DCPH1: variants seen among roughly 807,000 people sequenced by gnomAD.
The protein encoded by DCPH1 is damage control phosphatase 1.
chr6:151,461,658 C>T, the DCPH1 span, among the ~76,000 whole-genome samples: 3 of 152,140 alleles, frequency 2.0e-5, no homozygotes, highest in East Asian at 1.9e-4. Context: ...GCGACAAGAG[C>T]GAAACTCCGT....
At chr6:151,464,135 C>T in the DCPH1 span, among the ~76,000 whole-genome samples, 1 of 152,176 alleles carries the variant, frequency 6.6e-6, no homozygotes, top group Non-Finnish European at 1.5e-5. Context: ...AAGCAGTTGT[C>T]TTGAAATTTA....
the DCPH1 span, among the ~76,000 whole-genome samples, chr6:151,453,470 G>C: frequency 6.6e-6 from 1 of 152,152 alleles, no homozygotes; most frequent in African/African-American, 2.4e-5. Context: ...TTTTATTAAT[G>C]ATTTTTAAAA....
chr6:151,454,526 A>C, the DCPH1 span: 1 of 1,129,980 alleles, frequency 8.8e-7, no homozygotes, highest in East Asian at 2.4e-5. Context: ...TAAGTTATAT[A>C]TTGCATGTGA....
the DCPH1 span, among the ~76,000 whole-genome samples, chr6:151,453,233 TAG>T: frequency 6.6e-6 from 1 of 152,234 alleles, no homozygotes; most frequent in Admixed American, 6.5e-5. Flanking sequence ...CATGCAAGTA[TAG>T]AGAGTATCTC....
At chr6:151,465,517 G>A in the DCPH1 span, among the ~76,000 whole-genome samples, 765 of 152,244 alleles carry the variant, frequency 5.0e-3, 4 homozygotes, top group Middle Eastern at 0.027. Context: ...GAGAAAAATT[G>A]CAAGGAAACC....
the DCPH1 span, among the ~76,000 whole-genome samples, chr6:151,467,199 C>G: frequency 6.7e-6 from 1 of 150,042 alleles, no homozygotes; most frequent in Non-Finnish European, 1.5e-5. Flanking sequence ...TGCAGTGAGC[C>G]AAGATCGCAC....
the DCPH1 span, among the ~76,000 whole-genome samples, chr6:151,457,135 C>G: frequency 3.9e-5 from 6 of 152,318 alleles, no homozygotes; most frequent in Admixed American, 3.9e-4. Context: ...CCAGGCTTAT[C>G]TCCGAAGGAG....
chr6:151,458,369 T>A, the DCPH1 span: 1 of 1,613,532 alleles, frequency 6.2e-7, no homozygotes. Flanking sequence ...CTCTCCTTTC[T>A]AAATTACGGA....
the DCPH1 span, among the ~76,000 whole-genome samples, chr6:151,462,477 G>A: frequency 6.6e-6 from 1 of 152,130 alleles, no homozygotes; most frequent in African/African-American, 2.4e-5. Flanking sequence ...TTTTATGTTT[G>A]TGAGACTCAT....
At chr6:151,459,844 A>G in the DCPH1 span, among the ~76,000 whole-genome samples, 367 of 152,266 alleles carry the variant, frequency 2.4e-3, 2 homozygotes, top group Middle Eastern at 0.01. Flanking sequence ...GTTAATGGGG[A>G]TGATTGGATT....
chr6:151,466,612 C>T, the DCPH1 span, among the ~76,000 whole-genome samples: 11 of 152,144 alleles, frequency 7.2e-5, no homozygotes, highest in Admixed American at 1.3e-4. Context: ...CTCCCACTGT[C>T]GACACACACA....
chr6:151,461,396 C>G, the DCPH1 span, among the ~76,000 whole-genome samples: 1 of 152,186 alleles, frequency 6.6e-6, no homozygotes, highest in Non-Finnish European at 1.5e-5. Context: ...TTAGGCCAGG[C>G]ACAGTGGCTT....
At chr6:151,468,935 C>T in the DCPH1 span, 6 of 1,614,084 alleles carry the variant, frequency 3.7e-6, no homozygotes, top group South Asian at 4.4e-5. Flanking sequence ...TTTTCTGTTC[C>T]ATTTCATCAG....
the DCPH1 span, among the ~76,000 whole-genome samples, chr6:151,454,816 A>G: frequency 6.6e-6 from 1 of 152,242 alleles, no homozygotes; most frequent in African/African-American, 2.4e-5. Flanking sequence ...AGAACAGCCA[A>G]TCTTCAATTT....
the DCPH1 span, among the ~76,000 whole-genome samples, chr6:151,466,980 G>A: frequency 1.3e-5 from 2 of 152,106 alleles, no homozygotes; most frequent in African/African-American, 2.4e-5. Flanking sequence ...GCCGGGCATG[G>A]TGGCTCACAC....
At chr6:151,464,374 G>T in the DCPH1 span, 5 of 915,966 alleles carry the variant, frequency 5.5e-6, no homozygotes, top group African/African-American at 8.4e-5. Context: ...GAGACTGTAT[G>T]GTGCTATTTT....
chr6:151,464,622 A>G, the DCPH1 span: 2 of 1,590,660 alleles, frequency 1.3e-6, no homozygotes, highest in South Asian at 1.1e-5. Context: ...TCTGCAGGTA[A>G]ATGTGATCAT....
At chr6:151,454,007 G>A in the DCPH1 span, among the ~76,000 whole-genome samples, 1 of 152,140 alleles carries the variant, frequency 6.6e-6, no homozygotes, top group East Asian at 1.9e-4. Context: ...AGATAGAGAA[G>A]GCAGAGAAGG....
At chr6:151,461,266 T>C in the DCPH1 span, among the ~76,000 whole-genome samples, 17 of 152,212 alleles carry the variant, frequency 1.1e-4, no homozygotes, top group African/African-American at 4.1e-4. Context: ...TTTCTGAGTT[T>C]GATTTTAGAG....
Sources: gnomAD v4.1 joint callset for allele counts (sites outside exome capture counted in the v4.1 genomes callset) on GRCh38, gnomAD v4.1.1 for gene constraint, MANE v1.5 for transcripts, NCBI Gene and HGNC (gene_info 2026-07-23, HGNC 2026-07-21) for gene names.